UBE3C: variants seen among roughly 807,000 people sequenced by gnomAD.
UBE3C encodes ubiquitin-protein ligase E3C.
Under a neutral mutation model 129.4 loss-of-function variants are expected in UBE3C, and 42 were observed. The ratio of observed to expected loss-of-function variants is 0.32; its 90% CI spans 0.25 to 0.42. The LOEUF (loss-of-function observed/expected upper bound fraction) is 0.42, where lower values mean the gene tolerates loss of function less well. UBE3C is among the 10% of genes least tolerant of loss of function. The pLI is 1.00. For synonymous variants in UBE3C, 510 were observed against 492.4 expected, an observed-to-expected ratio of 1.04 and a Z score of -0.47; for missense variants, 1,049 against 1,319.1, an observed-to-expected ratio of 0.80 and a Z score of 3.17.
At chr7:157,232,120 C>A (rs1274065213) in intron 18 of UBE3C, among the ~76,000 whole-genome samples, 1 of 152,006 alleles carries the variant, frequency 6.6e-6, no homozygotes, top group Non-Finnish European at 1.5e-5. Context: ...TGGACTTCTC[C>A]CTGAGTGTCT....
At chr7:157,188,917 C>T (rs766127422) in intron 10 of UBE3C, 5 of 648,552 alleles carry the variant, frequency 7.7e-6, no homozygotes, top group South Asian at 1.8e-5. Context: ...TTAGGATTTG[C>T]CATTTAATTT....
intron 10 of UBE3C, among the ~76,000 whole-genome samples, chr7:157,201,476 C>T (rs1238149758): frequency 8.5e-6 from 1 of 118,332 alleles, no homozygotes; most frequent in East Asian, 2.9e-4. Flanking sequence ...CTCACAGCCA[C>T]AGGGGAGGGA....
intron 10 of UBE3C, among the ~76,000 whole-genome samples, chr7:157,190,521 C>G (rs1039149919): frequency 4.1e-4 from 62 of 152,236 alleles, no homozygotes; most frequent in African/African-American, 1.4e-3. Flanking sequence ...CAGGGGCTAC[C>G]TTATTGGACA....
intron 1 of UBE3C, 131 bp downstream of exon 1, chr7:157,139,469 C>G: frequency 2.5e-6 from 2 of 784,572 alleles, no homozygotes; most frequent in Admixed American, 4.5e-5. Context: ...GCCTCCCTGG[C>G]GGGGACTCGG....
At chr7:157,151,237 A>T (rs1397321508) in intron 1 of UBE3C, among the ~76,000 whole-genome samples, 3 of 152,200 alleles carry the variant, frequency 2.0e-5, no homozygotes, top group African/African-American at 7.2e-5. Context: ...CTGCAAAACA[A>T]ATACGCTGTG....
chr7:157,141,573 CTG>C (rs1490051098), intron 1 of UBE3C, among the ~76,000 whole-genome samples: 1 of 152,188 alleles, frequency 6.6e-6, no homozygotes, highest in East Asian at 1.9e-4. Flanking sequence ...TGGTGAGTGT[CTG>C]TGCATCCAAA....
At chr7:157,258,759 C>T (rs954942610) in intron 22 of UBE3C, among the ~76,000 whole-genome samples, 3 of 152,172 alleles carry the variant, frequency 2.0e-5, no homozygotes, top group African/African-American at 7.2e-5. Flanking sequence ...CATGCCCGGC[C>T]CCCCAAGTAT....
rs532333070 is a variant in UBE3C, at chr7:157,220,918, A to T, written c.2002+142A>T. The T allele has an allele frequency of 5.1e-6, 5 of 972,616 alleles. No homozygotes were observed. In the African/African-American group the frequency reaches 8.2e-5, roughly 16 times the overall value. The allele number at this position is 972,616 out of a possible 1,614,324, so 60.2% of individuals were successfully genotyped here. A position where few individuals can be genotyped will look rare whatever the true frequency, so the allele number is the denominator to read the frequency against. On this transcript the variant is annotated intron_variant, in intron 15 of 22. Coordinates refer to ENST00000348165, the MANE Select transcript of UBE3C (RefSeq NM_014671.3). ...AGGAGCTACCATGTAGAAAAGTTTC[A>T]TCACCCACAAAATTGCCTCTAGCTC...
chr7:157,255,902 G>C (rs1313287432), intron 21 of UBE3C, among the ~76,000 whole-genome samples: 1 of 152,154 alleles, frequency 6.6e-6, no homozygotes, highest in Non-Finnish European at 1.5e-5. Context: ...TAGAAGGAAA[G>C]ATGATAAAAT....
rs192623911 is a variant in UBE3C at position 157,156,489 on chromosome 7, T to C, written c.67-7321T>C. 2.3e-3 allele frequency among the ~76,000 whole-genome samples: 352 copies of C among 151,776 alleles called. 2 individuals are homozygous for C. The highest frequency in any genetic ancestry group is 7.9e-3 in the African/African-American group (327 of 41,330). Reference sequence around the variant, plus strand: ...CCCCGGCTAATTTTTGTATTTTTCATAGAGACAGGGTTTCACTACGTTGGC... The same window carrying C: ...CCCCGGCTAATTTTTGTATTTTTCACAGAGACAGGGTTTCACTACGTTGGC... On this transcript the variant is annotated intron_variant, in intron 1 of 22. Transcript: ENST00000348165.
At chr7:157,207,286 T>A in intron 11 of UBE3C, 112 bp from the exon 12 acceptor site, 1 of 1,430,782 alleles carries the variant, frequency 7.0e-7, no homozygotes, top group African/African-American at 1.4e-5. Context: ...TAATTCCTAA[T>A]GCAAATGTTA....
intron 19 of UBE3C, 105 bp downstream of exon 19, chr7:157,248,685 A>T: frequency 8.1e-7 from 1 of 1,241,574 alleles, no homozygotes; most frequent in Non-Finnish European, 1.2e-6. Flanking sequence ...CGCACATTTT[A>T]GTTAGAATGA....
At position 157,207,897 on chromosome 7, in the gene UBE3C, A is replaced by G. The variant is rs1277798449; in HGVS notation, c.1771A>G (p.Ile591Val). 1.2e-6 allele frequency: 2 copies of G among 1,609,602 alleles called. No individual in the cohort carries two copies. The highest frequency in any genetic ancestry group is 1.3e-5 in the African/African-American group (1 of 74,910). The change falls in exon 13 of 23, where the codon ATA becomes GTA. Residue 591 changes from isoleucine (I) to valine (V), a missense_variant. Ile to Val is a conservative substitution (Grantham distance 29, BLOSUM62 3). Around this residue, in one of 4 missense-constraint regions of UBE3C, gnomAD observed 314 missense variants for 416.9 expected, o/e 0.75. Coordinates refer to ENST00000348165, the MANE Select transcript of UBE3C (RefSeq NM_014671.3). Reference sequence around the variant, plus strand: ...TACTAGCTCTGAAATGCAACAATGCATACAGATGGAACAGAAAAGATGGAT... The same window carrying G: ...TACTAGCTCTGAAATGCAACAATGCGTACAGATGGAACAGAAAAGATGGAT... Reference protein sequence around the residue: ...VTTSSEMQQCIQMEQKRWIQL... With the variant: ...VTTSSEMQQCVQMEQKRWIQL...
At chr7:157,266,694 G>A (rs1222012173) in intron 22 of UBE3C, among the ~76,000 whole-genome samples, 1 of 152,152 alleles carries the variant, frequency 6.6e-6, no homozygotes, top group Non-Finnish European at 1.5e-5. Context: ...TGGTTAACCC[G>A]AGTAATAGCT....
rs562779489 is a variant in UBE3C, at chr7:157,158,010, A to G, written c.67-5800A>G. On this transcript the variant is annotated intron_variant, in intron 1 of 22. Coordinates refer to ENST00000348165, the MANE Select transcript of UBE3C (RefSeq NM_014671.3). ...TATAGAGAGAGAGAGAGAGAGATAC[A>G]TATAAACATGGTGAGACCCAATCTG... is the stretch of plus-strand genomic sequence containing the variant. Among the ~76,000 whole-genome samples the G allele has an allele frequency of 1.4e-3, 206 of 149,616 alleles. 3 individuals are homozygous for G. In the South Asian group the frequency reaches 0.025, roughly 18 times the overall value.
intron 13 of UBE3C, among the ~76,000 whole-genome samples, chr7:157,213,398 G>A (rs1047526002): frequency 1.4e-4 from 21 of 152,220 alleles, no homozygotes; most frequent in African/African-American, 4.8e-4. Context: ...CAGTGATGGC[G>A]GCACGCCTGT....
intron 22 of UBE3C, among the ~76,000 whole-genome samples, chr7:157,265,185 C>G (rs2116721054): frequency 6.6e-6 from 1 of 152,330 alleles, no homozygotes; most frequent in East Asian, 1.9e-4. Context: ...AGGCCCACCT[C>G]TCAGAGAGTT....
chr7:157,139,978 G>A, intron 1 of UBE3C: 3 of 985,402 alleles, frequency 3.0e-6, no homozygotes, highest in Non-Finnish European at 3.6e-6. Context: ...GAGAGACTCC[G>A]GACTTACATC....
intron 13 of UBE3C, among the ~76,000 whole-genome samples, chr7:157,208,432 TTTAA>T (rs1809500945): frequency 6.6e-6 from 1 of 152,228 alleles, no homozygotes; most frequent in Non-Finnish European, 1.5e-5. Flanking sequence ...ATTAAGGTAA[TTTAA>T]TTAACTAAAA....
Sources: allele counts gnomAD v4.1 joint callset (sites outside exome capture counted in the v4.1 genomes callset), GRCh38; gene constraint gnomAD v4.1.1; regional missense constraint gnomAD v4.1.1; transcripts MANE v1.5; gene names NCBI Gene and HGNC (gene_info 2026-07-23, HGNC 2026-07-21).